PRDM10: variants seen among roughly 807,000 people sequenced by gnomAD.
The protein encoded by PRDM10 is PR domain zinc finger protein 10.
A neutral mutation model predicts 133.1 loss-of-function variants in PRDM10; 65 were observed. That is an observed-to-expected ratio of 0.49 (90% CI 0.40 to 0.60). PRDM10 has a LOEUF of 0.60. PRDM10 is among the 20% of genes least tolerant of loss of function. PRDM10 has a pLI of 0.00. For synonymous variants in PRDM10, 582 were observed against 580.4 expected (o/e 1.00, Z -0.04); for missense variants, 1,137 against 1,507.1 (o/e 0.75, Z 4.07).
chr11:129,962,716 A>C (rs1951819630), intron 1 of PRDM10, among the ~76,000 whole-genome samples: 1 of 152,244 alleles, frequency 6.6e-6, no homozygotes, highest in South Asian at 2.1e-4. Context: ...TACCCTAATA[A>C]AGTTGATTTT....
Position 130,002,794 on chromosome 11 carries a change from AC to A in PRDM10, c.-192del, listed in dbSNP as rs200535308. ...CTCTCCCTAGGGGTGATAGAAATCA[AC>A]CCCCCCCGCCACCTCCAGGTGGTTC... On this transcript the variant is annotated 5_prime_UTR_variant, in exon 1 of 21. Coordinates refer to ENST00000360871, the MANE Select transcript of PRDM10 (RefSeq NM_199437.2). 3.8e-4 allele frequency: 79 copies of A among 205,830 alleles called. No individual in the cohort carries two copies. Among genetic ancestry groups the A allele is most frequent in the South Asian group, 9.2e-4 (18 of 19,660 alleles). The allele number at this position is 205,830 out of a possible 1,614,324, so 12.8% of individuals were successfully genotyped here. A position where few individuals can be genotyped will look rare whatever the true frequency, so the allele number is the denominator to read the frequency against.
intron 1 of PRDM10, among the ~76,000 whole-genome samples, chr11:130,002,442 G>C (rs1235808452): frequency 6.6e-6 from 1 of 152,136 alleles, no homozygotes; most frequent in East Asian, 1.9e-4. Flanking sequence ...CCCTTGGAAG[G>C]TGCAGATGGT....
At chr11:129,904,830 A>T (rs76578758) in intron 20 of PRDM10, among the ~76,000 whole-genome samples, 1,604 of 152,332 alleles carry the variant, frequency 0.011, 33 homozygotes, top group African/African-American at 0.034. Context: ...ACATGTATGT[A>T]CTCTGTCTTC....
At chr11:129,943,649 C>T (rs1052310522) in intron 6 of PRDM10, among the ~76,000 whole-genome samples, 2 of 152,032 alleles carry the variant, frequency 1.3e-5, no homozygotes, top group Non-Finnish European at 2.9e-5. Context: ...CACTTGAGCT[C>T]AGGAGTTCAA....
At position 129,902,337 on chromosome 11, in the gene PRDM10, G is replaced by A. The variant is rs189411240; in HGVS notation, c.3447C>T (p.Ser1149=). Residue 1149 remains serine, a synonymous_variant, in exon 21 of 21, where the codon AGC becomes AGT. Transcript: ENST00000360871. ...ITTTTNGNGS[S]EVHITKP ...GTCATGGTTTGGTGATATGCACTTC[G>A]CTGCTTCCGTTCCCGTTGGTGGTGG... The A allele has an allele frequency of 8.1e-5, 130 of 1,614,084 alleles. No individual in the cohort carries two copies. Among genetic ancestry groups the A allele is most frequent in the Admixed American group, 5.5e-4 (33 of 60,026 alleles).
At chr11:129,934,841 C>T (rs1022836476) in intron 9 of PRDM10, among the ~76,000 whole-genome samples, 6 of 152,218 alleles carry the variant, frequency 3.9e-5, no homozygotes, top group Non-Finnish European at 7.3e-5. Context: ...ATTCCTATTT[C>T]GGAATCTCCA....
At chr11:129,912,355 A>G (rs1950212159) in intron 17 of PRDM10, 130 bp from the exon 18 acceptor site, 2 of 1,066,722 alleles carry the variant, frequency 1.9e-6, no homozygotes, top group Non-Finnish European at 2.5e-6. Flanking sequence ...CTATAAACCC[A>G]GCAGTTTGGG....
chr11:129,958,436 GT>G (rs1202043116), intron 2 of PRDM10, among the ~76,000 whole-genome samples: 1 of 152,166 alleles, frequency 6.6e-6, no homozygotes, highest in Admixed American at 6.5e-5. Context: ...GAGGTCAGGA[GT>G]TCAGGACCAG....
intron 3 of PRDM10, among the ~76,000 whole-genome samples, chr11:129,956,303 C>T (rs888299356): frequency 2.6e-5 from 4 of 152,236 alleles, no homozygotes; most frequent in African/African-American, 9.6e-5. Flanking sequence ...CGCGGTGACT[C>T]ACGCCTGTAA....
At chr11:129,951,936 CA>C (rs59578193) in intron 4 of PRDM10, among the ~76,000 whole-genome samples, 35,953 of 145,416 alleles carry the variant, frequency 0.25, 6,946 homozygotes, top group East Asian at 0.62. Context: ...AAACAAAAAC[CA>C]AAAAAAAAAA....
chr11:129,961,261 C>T (rs1257152517), intron 1 of PRDM10, among the ~76,000 whole-genome samples, 179 bp from the exon 2 acceptor site: 2 of 152,110 alleles, frequency 1.3e-5, no homozygotes, highest in Non-Finnish European at 2.9e-5. Flanking sequence ...CAGTGACTCA[C>T]ACCTGTAATC....
At chr11:129,958,472 T>C (rs1029453777) in intron 2 of PRDM10, among the ~76,000 whole-genome samples, 3 of 152,044 alleles carry the variant, frequency 2.0e-5, no homozygotes, top group Admixed American at 6.6e-5. Context: ...TGAAACCCTG[T>C]CTCTACTAAA....
chr11:129,990,447 G>A (rs1938666694), intron 1 of PRDM10, among the ~76,000 whole-genome samples: 1 of 150,034 alleles, frequency 6.7e-6, no homozygotes, highest in African/African-American at 2.5e-5. Context: ...ACTTGAACCT[G>A]GGAGGTAGAA....
chr11:129,907,903 C>T (rs922006872), intron 19 of PRDM10, among the ~76,000 whole-genome samples: 3 of 150,742 alleles, frequency 2.0e-5, no homozygotes, highest in Admixed American at 2.0e-4. Flanking sequence ...CCAGCCTGGG[C>T]AACACAGCGA....
chr11:129,915,649 A>T lies in PRDM10; in HGVS notation c.2526+11T>A, dbSNP rs763273498. The stretch of plus-strand genomic sequence containing the variant: ...GTTTTGACCTTAGCTTTAGTCAGAA[A>T]CTCCCCCTACCTTGCTGCTGTACTG... On this transcript the variant is annotated intron_variant, in intron 16 of 20. Coordinates refer to ENST00000360871, the MANE Select transcript of PRDM10 (RefSeq NM_199437.2). The T allele has an allele frequency of 9.6e-6, 15 of 1,554,704 alleles. No individual in the cohort carries two copies. Among genetic ancestry groups the T allele is most frequent in the Non-Finnish European group, 1.3e-5 (15 of 1,151,206 alleles).
intron 1 of PRDM10, among the ~76,000 whole-genome samples, chr11:129,990,514 T>C (rs1938671651): frequency 8.5e-6 from 1 of 118,190 alleles, no homozygotes; most frequent in Non-Finnish European, 1.7e-5. Context: ...AAAGTGAGAC[T>C]TTGTCTCCAA....
At chr11:129,935,487 A>T (rs753231560) in intron 8 of PRDM10, among the ~76,000 whole-genome samples, 1 of 152,170 alleles carries the variant, frequency 6.6e-6, no homozygotes, top group Non-Finnish European at 1.5e-5. Flanking sequence ...CTCAAAACAC[A>T]CACACAACTT....
chr11:129,926,043 G>T (rs943665027), intron 11 of PRDM10, among the ~76,000 whole-genome samples: 4 of 152,204 alleles, frequency 2.6e-5, no homozygotes, highest in Admixed American at 2.6e-4. Flanking sequence ...TTCCAGAATA[G>T]CTAGTTAGTT....
rs1020716250 is a variant in PRDM10 at position 129,947,428 on chromosome 11, T to C, written c.295-58A>G. 1.9e-6 allele frequency: 3 copies of C among 1,604,136 alleles called. No homozygotes were observed. Among genetic ancestry groups the C allele is most frequent in the Non-Finnish European group, 1.7e-6 (2 of 1,172,058 alleles). On this transcript the variant is annotated intron_variant, in intron 4 of 20. Coordinates refer to ENST00000360871, the MANE Select transcript of PRDM10 (RefSeq NM_199437.2). The surrounding 1 kb of genome is among the most constrained non-coding windows in gnomAD (Gnocchi z 4.6). ...ACATGGACACCTGCTTTTGGTTCGC[T>C]GGTGCCTGCTGGCACAAACAGGGCG...
Sources: gnomAD v4.1 joint callset for allele counts (sites outside exome capture counted in the v4.1 genomes callset) on GRCh38, gnomAD v4.1.1 for gene constraint, Gnocchi (gnomAD v3.1) non-coding constraint, MANE v1.5 for transcripts, NCBI Gene and HGNC (gene_info 2026-07-23, HGNC 2026-07-21) for gene names.